EVC2: variants seen among roughly 807,000 people sequenced by gnomAD.
EVC2 encodes EvC ciliary complex subunit 2.
Under a neutral mutation model 149.3 loss-of-function variants are expected in EVC2, and 148 were observed. The observed-to-expected ratio is 0.99, with a 90% CI of 0.87 to 1.14. The LOEUF is 1.14. Ranked by LOEUF, EVC2 falls within the 50% of genes most tolerant of loss-of-function variation. The pLI, the probability that EVC2 is intolerant of heterozygous loss-of-function variation, is 0.00. For missense variants in EVC2, 1,854 were observed against 1,627.3 expected (o/e 1.14, Z -2.40); for synonymous variants, 776 against 649.9 (o/e 1.19, Z -2.95).
chr4:5,600,077 T>A (rs1297300593), intron 16 of EVC2, among the ~76,000 whole-genome samples: 1 of 152,224 alleles, frequency 6.6e-6, no homozygotes, highest in African/African-American at 2.4e-5. Context: ...TTCACATCAC[T>A]TGGCATAGTT....
At chr4:5,706,240 T>C (rs1041508367) in intron 1 of EVC2, among the ~76,000 whole-genome samples, 3 of 151,550 alleles carry the variant, frequency 2.0e-5, no homozygotes, top group African/African-American at 7.3e-5. Flanking sequence ...CAATTAGGCA[T>C]TGGTCTCCCA....
At chr4:5,682,691 T>A (rs1441245280) in intron 6 of EVC2, among the ~76,000 whole-genome samples, 1 of 150,268 alleles carries the variant, frequency 6.7e-6, no homozygotes, top group Non-Finnish European at 1.5e-5. Flanking sequence ...AAACCCTGTC[T>A]CTACTAAAAA....
At chr4:5,530,876 C>T in the EVC2 span, among the ~76,000 whole-genome samples, 9,213 of 152,222 alleles carry the variant, frequency 0.061, 916 homozygotes, top group African/African-American at 0.21. Context: ...TATCATCTAA[C>T]AGGTGCTGAG....
At position 5,618,372 on chromosome 4, in the gene EVC2, C is replaced by T; in HGVS notation, c.2706+106G>A. On this transcript the variant is annotated intron_variant, in intron 15 of 21. Coordinates refer to ENST00000344408, the MANE Select transcript of EVC2 (RefSeq NM_147127.5). This position sits in a 1 kb window ranked among gnomAD's most constrained non-coding sequence, Gnocchi z 4.4. ...AGCCAGAGAGGAGAGGATAGGGGAG[C>T]ATGAGGTGAGATGGGCTCAGGCTGG... is the stretch of plus-strand genomic sequence containing the variant. The T allele has an allele frequency of 8.1e-7, 1 of 1,240,728 alleles. No individual in the cohort carries two copies. The highest frequency in any genetic ancestry group is 1.2e-6 in the Non-Finnish European group (1 of 854,486). The allele number at this position is 1,240,728 out of a possible 1,614,324, so 76.9% of individuals were successfully genotyped here. A position where few individuals can be genotyped will look rare whatever the true frequency, so the allele number is the denominator to read the frequency against.
chr4:5,546,563 T>G, intron 21 of EVC2, among the ~76,000 whole-genome samples: 1 of 150,654 alleles, frequency 6.6e-6, no homozygotes. Flanking sequence ...CAGGGACCAT[T>G]GTGGGGTGGG....
At chr4:5,690,484 T>C (rs1323082326) in intron 4 of EVC2, among the ~76,000 whole-genome samples, 1 of 151,676 alleles carries the variant, frequency 6.6e-6, no homozygotes, top group East Asian at 1.9e-4. Flanking sequence ...GATGGGTGCC[T>C]TGGACCCTGC....
At chr4:5,546,459 G>C (rs995957314) in intron 21 of EVC2, among the ~76,000 whole-genome samples, 1 of 151,680 alleles carries the variant, frequency 6.6e-6, no homozygotes, top group African/African-American at 2.4e-5. Flanking sequence ...GCAAACTATC[G>C]CAAGGACAAA....
chr4:5,555,904 G>C (rs537041942), intron 21 of EVC2, among the ~76,000 whole-genome samples: 1 of 152,252 alleles, frequency 6.6e-6, no homozygotes, highest in African/African-American at 2.4e-5. Context: ...TAATAGCCGG[G>C]TGTGGTGGCT....
At chr4:5,540,558 C>G (rs1165900186), downstream of EVC2, among the ~76,000 whole-genome samples, 5 of 152,152 alleles carry the variant, frequency 3.3e-5, no homozygotes, top group Non-Finnish European at 7.3e-5. Flanking sequence ...TGAAAGAAGT[C>G]AGAGTATATG....
In EVC2 at chr4:5,625,137, T is replaced by C. The variant is rs138688816; in HGVS notation, c.2046+612A>G. Among the ~76,000 whole-genome samples the C allele has an allele frequency of 4.6e-5, 7 of 152,192 alleles. No homozygotes were observed. The East Asian group carries it at 1.4e-3, about 29-fold the overall frequency. ...GACCCTTCAACATTCCCCACTATCC[T>C]TGGATGGAAGGTAACCCCTTAGCAC... On this transcript the variant is annotated intron_variant, in intron 13 of 21. Coordinates refer to ENST00000344408, the MANE Select transcript of EVC2 (RefSeq NM_147127.5). The surrounding 1 kb of genome is among the most constrained non-coding windows in gnomAD (Gnocchi z 4.0).
chr4:5,689,068 G>A (rs1720922164), intron 5 of EVC2, 89 bp downstream of exon 5: 1 of 1,438,504 alleles, frequency 7.0e-7, no homozygotes. Context: ...AAGGCTTTAA[G>A]AACATGCCTG....
Position 5,640,959 on chromosome 4 carries a change from C to T in EVC2, c.1146-121G>A. On this transcript the variant is annotated intron_variant, in intron 9 of 21. Coordinates refer to ENST00000344408, the MANE Select transcript of EVC2 (RefSeq NM_147127.5). The surrounding 1 kb of genome is among the most constrained non-coding windows in gnomAD (Gnocchi z 4.6). ...CAAGGGCTTTCTTCGTCTTCCTTTT[C>T]TTCCTTTCCCCGCTCACTTCTGCTT... 1 of 1,136,962 alleles carries T rather than the reference C, an allele frequency of 8.8e-7. No homozygotes were observed. The highest frequency in any genetic ancestry group is 1.3e-6 in the Non-Finnish European group (1 of 769,574). The allele number at this position is 1,136,962 out of a possible 1,614,324, so 70.4% of individuals were successfully genotyped here. A position where few individuals can be genotyped will look rare whatever the true frequency, so the allele number is the denominator to read the frequency against.
In EVC2 at chr4:5,622,491, A is replaced by C; in HGVS notation, c.2501+46T>G. The C allele has an allele frequency of 6.3e-7, 1 of 1,593,870 alleles. No homozygotes were observed. The highest frequency in any genetic ancestry group is 1.1e-5 in the South Asian group (1 of 88,194). On this transcript the variant is annotated intron_variant, in intron 14 of 21. Transcript: ENST00000344408. The surrounding 1 kb of genome is among the most constrained non-coding windows in gnomAD (Gnocchi z 5.8). The stretch of plus-strand genomic sequence containing the variant: ...ACCACAGGGCAGGAATCTCCCTGGC[A>C]TCAACGGGATGGGGAGGGGTGATTA...
At chr4:5,539,715 A>G (rs1342745562), downstream of EVC2, among the ~76,000 whole-genome samples, 2 of 152,166 alleles carry the variant, frequency 1.3e-5, no homozygotes, top group Non-Finnish European at 2.9e-5. Flanking sequence ...ATGTTGTACA[A>G]TTGCATGTGC....
chr4:5,639,847 G>A (rs1717187231), intron 10 of EVC2, among the ~76,000 whole-genome samples: 2 of 144,586 alleles, frequency 1.4e-5, no homozygotes, highest in Non-Finnish European at 3.1e-5. Flanking sequence ...TAACATGACT[G>A]AATAATGTCT....
intron 16 of EVC2, among the ~76,000 whole-genome samples, chr4:5,591,631 C>T (rs1411540742): frequency 6.6e-6 from 1 of 152,010 alleles, no homozygotes; most frequent in Non-Finnish European, 1.5e-5. Context: ...ACTGTATGAA[C>T]AACATGGACA....
intron 17 of EVC2, among the ~76,000 whole-genome samples, chr4:5,579,159 C>CAGGGGGGTAACTAGAGT (rs1274106739): frequency 6.6e-6 from 1 of 152,008 alleles, no homozygotes; most frequent in African/African-American, 2.4e-5. Flanking sequence ...GGCCACCGTG[C>CAGGGGGGTAACTAGAGT]AGGGGGGTAA....
chr4:5,630,655 C>A (rs184663593), intron 11 of EVC2, among the ~76,000 whole-genome samples: 1 of 152,094 alleles, frequency 6.6e-6, no homozygotes, highest in Non-Finnish European at 1.5e-5. Flanking sequence ...CACTCATGAC[C>A]GTGAACACAT....
At chr4:5,700,126 C>T (rs955687099) in intron 1 of EVC2, among the ~76,000 whole-genome samples, 2 of 151,880 alleles carry the variant, frequency 1.3e-5, no homozygotes, top group Admixed American at 6.6e-5. Context: ...GGTGACAGAG[C>T]GAGACTCCGT....
Sources: allele counts gnomAD v4.1 joint callset (sites outside exome capture counted in the v4.1 genomes callset), GRCh38; gene constraint gnomAD v4.1.1; non-coding constraint Gnocchi (gnomAD v3.1); transcripts MANE v1.5; gene names NCBI Gene and HGNC (gene_info 2026-07-23, HGNC 2026-07-21).